UST: variants seen among roughly 807,000 people sequenced by gnomAD.
UST encodes chondroitin sulfate 2-O-sulfotransferase.
In UST, 21 loss-of-function variants were observed where a neutral mutation model predicts 45.6. The ratio of observed to expected loss-of-function variants is 0.46; its 90% CI spans 0.33 to 0.66. The LOEUF (loss-of-function observed/expected upper bound fraction) is 0.66. Among genes scored for constraint, UST ranks in the 30% least tolerant of loss-of-function variants. UST has a pLI of 0.02. For synonymous variants in UST, 215 were observed against 200.6 expected, an observed-to-expected ratio of 1.07 and a Z score of -0.61; for missense variants, 463 against 512.4, an observed-to-expected ratio of 0.90 and a Z score of 0.93.
intron 1 of UST, among the ~76,000 whole-genome samples, chr6:148,877,680 C>CG (rs1778709923): frequency 2.7e-5 from 1 of 37,308 alleles, no homozygotes; most frequent in African/African-American, 1.4e-4. Flanking sequence ...TGTATGAGTG[C>CG]AGGGGGTCAT....
chr6:149,017,266 A>G (rs1775914327), intron 5 of UST, among the ~76,000 whole-genome samples: 1 of 151,890 alleles, frequency 6.6e-6, no homozygotes, highest in African/African-American at 2.4e-5. Context: ...AGTCCCAGCT[A>G]CTCGGGAGGC....
chr6:148,786,055 G>A (rs1386685471), intron 1 of UST, among the ~76,000 whole-genome samples: 1 of 151,056 alleles, frequency 6.6e-6, no homozygotes, highest in African/African-American at 2.4e-5. Context: ...TCAATCTTAA[G>A]ACATTTTTGC....
At chr6:148,977,496 AATCCCGG>A (rs1781038407) in intron 5 of UST, among the ~76,000 whole-genome samples, 1 of 152,078 alleles carries the variant, frequency 6.6e-6, no homozygotes, top group East Asian at 1.9e-4. Flanking sequence ...TCACGCCTGT[AATCCCGG>A]CACTTTGGGA....
chr6:149,016,504 A>T (rs1016506127), intron 5 of UST, among the ~76,000 whole-genome samples: 1 of 132,382 alleles, frequency 7.6e-6, no homozygotes, highest in Non-Finnish European at 1.6e-5. Context: ...TCACTCATTC[A>T]GTATCTATTG....
At chr6:148,855,813 C>T (rs1323078194) in intron 1 of UST, among the ~76,000 whole-genome samples, 2 of 152,186 alleles carry the variant, frequency 1.3e-5, no homozygotes, top group East Asian at 1.9e-4. Context: ...GAGTTGGCCA[C>T]GGGTACCACT....
At chr6:149,009,219 A>G (rs907962735) in intron 5 of UST, among the ~76,000 whole-genome samples, 1 of 152,244 alleles carries the variant, frequency 6.6e-6, no homozygotes, top group Non-Finnish European at 1.5e-5. Context: ...GTCATGATCA[A>G]AAATTCAGTG....
intron 2 of UST, among the ~76,000 whole-genome samples, chr6:148,916,177 A>G (rs1048595727): frequency 3.9e-5 from 6 of 152,226 alleles, no homozygotes; most frequent in Non-Finnish European, 7.3e-5. Context: ...TGTTTTGGGT[A>G]GTTTACATTT....
chr6:148,907,087 A>G (rs1267885018), intron 2 of UST, among the ~76,000 whole-genome samples: 1 of 152,228 alleles, frequency 6.6e-6, no homozygotes, highest in Non-Finnish European at 1.5e-5. Flanking sequence ...CGGTAAGACA[A>G]AATAACAGAT....
chr6:148,817,789 G>A (rs1253021494), intron 1 of UST, among the ~76,000 whole-genome samples: 2 of 152,168 alleles, frequency 1.3e-5, no homozygotes, highest in Non-Finnish European at 2.9e-5. Context: ...TGCTGGAGAA[G>A]TATCATGAGG....
intron 6 of UST, 95 bp from the exon 7 acceptor site, chr6:149,021,229 A>C: frequency 7.4e-7 from 1 of 1,349,052 alleles, no homozygotes; most frequent in Non-Finnish European, 1.0e-6. Flanking sequence ...GACTTATGCA[A>C]GTGAAGGTGG....
intron 5 of UST, among the ~76,000 whole-genome samples, chr6:148,978,846 T>TAAAA (rs986854968): frequency 5.3e-5 from 8 of 151,232 alleles, no homozygotes; most frequent in African/African-American, 1.9e-4. Flanking sequence ...AAAATTTTTT[T>TAAAA]AAAAAAAAAT....
intron 1 of UST, among the ~76,000 whole-genome samples, chr6:148,843,853 A>G (rs1777932387): frequency 6.6e-6 from 1 of 152,056 alleles, no homozygotes. Context: ...TTTTTCTCCC[A>G]TTTACAGCAC....
chr6:148,832,783 C>T (rs114419566), intron 1 of UST, among the ~76,000 whole-genome samples: 7 of 152,118 alleles, frequency 4.6e-5, no homozygotes, highest in Admixed American at 3.3e-4. Flanking sequence ...ATTTGGAGCT[C>T]GGTCAGATGA....
At chr6:148,915,879 G>T (rs1176299671) in intron 2 of UST, among the ~76,000 whole-genome samples, 2 of 152,038 alleles carry the variant, frequency 1.3e-5, no homozygotes, top group East Asian at 1.9e-4. Flanking sequence ...GAAGGGTGGT[G>T]TGGGGGAGGG....
At chr6:149,025,784 ACAGATC>A (rs1776040740) in intron 7 of UST, among the ~76,000 whole-genome samples, 2 of 152,144 alleles carry the variant, frequency 1.3e-5, no homozygotes, top group Non-Finnish European at 2.9e-5. Context: ...GCCAAGGCAG[ACAGATC>A]ACTTGAGGCT....
At chr6:148,756,110 G>T (rs1277911505) in intron 1 of UST, among the ~76,000 whole-genome samples, 1 of 149,208 alleles carries the variant, frequency 6.7e-6, no homozygotes, top group Non-Finnish European at 1.5e-5. Flanking sequence ...TGCGGTGTTT[G>T]GTTTTTTGTC....
At chr6:149,065,386 T>C (rs1776717209) in intron 7 of UST, among the ~76,000 whole-genome samples, 1 of 152,228 alleles carries the variant, frequency 6.6e-6, no homozygotes, top group South Asian at 2.1e-4. Flanking sequence ...GACTTTTCCA[T>C]AGCACCGATT....
chr6:149,070,924 C>T (rs1424894523), intron 7 of UST, among the ~76,000 whole-genome samples: 3 of 151,604 alleles, frequency 2.0e-5, no homozygotes, highest in Non-Finnish European at 4.4e-5. Flanking sequence ...CATGCCACCA[C>T]GCCCAGCTAA....
In UST at chr6:148,875,580, A is replaced by G. The variant is rs534537274; in HGVS notation, c.248-11406A>G. ...CATTTTGGGAGACTGAAGTGGGCGG[A>G]TCACCTGAGGTCAGGGAGTTCAAGA... On this transcript the variant is annotated intron_variant, in intron 1 of 7. Transcript: ENST00000367463. Among the ~76,000 whole-genome samples, 5 of 152,366 alleles carry G rather than the reference A, an allele frequency of 3.3e-5. No individual in the cohort carries two copies. In the East Asian group the frequency reaches 9.6e-4, roughly 29 times the overall value.
Sources: gnomAD v4.1 joint callset for allele counts (sites outside exome capture counted in the v4.1 genomes callset) on GRCh38, gnomAD v4.1.1 for gene constraint, MANE v1.5 for transcripts, NCBI Gene and HGNC (gene_info 2026-07-23, HGNC 2026-07-21) for gene names.